CSMD1: variants seen among roughly 807,000 people sequenced by gnomAD.
CSMD1 encodes the protein CUB and Sushi multiple domains 1.
Under a neutral mutation model 417.5 loss-of-function variants are expected in CSMD1, and 213 were observed. That is an observed-to-expected ratio of 0.51 (90% CI 0.46 to 0.57). The LOEUF (loss-of-function observed/expected upper bound fraction) is 0.57. Ranked by LOEUF, CSMD1 falls within the 20% of genes least tolerant of loss-of-function variation. The pLI, the probability that CSMD1 is intolerant of heterozygous loss-of-function variation, is 0.00. For synonymous variants in CSMD1, 2,862 were observed against 1,736.8 expected (o/e 1.65, Z -16.11); for missense variants, 6,923 against 4,529.7 (o/e 1.53, Z -15.17).
At chr8:3,424,401 G>C (rs1429927892) in intron 12 of CSMD1, among the ~76,000 whole-genome samples, 4 of 152,204 alleles carry the variant, frequency 2.6e-5, no homozygotes, top group Non-Finnish European at 4.4e-5. Flanking sequence ...TTCATTGAGA[G>C]TGTACCAAGC....
intron 1 of CSMD1, among the ~76,000 whole-genome samples, chr8:4,766,145 C>G (rs1051428952): frequency 6.6e-6 from 1 of 152,134 alleles, no homozygotes; most frequent in Non-Finnish European, 1.5e-5. Flanking sequence ...ATGTACAATG[C>G]TTTGTGTACT....
At chr8:4,046,337 T>A (rs886553737) in intron 3 of CSMD1, among the ~76,000 whole-genome samples, 1 of 152,202 alleles carries the variant, frequency 6.6e-6, no homozygotes, top group Admixed American at 6.5e-5. Flanking sequence ...CTTCTAAAAA[T>A]AGACTCAATG....
At chr8:3,171,803 G>C (rs527728921) in intron 37 of CSMD1, among the ~76,000 whole-genome samples, 2 of 152,280 alleles carry the variant, frequency 1.3e-5, no homozygotes, top group Non-Finnish European at 2.9e-5. Context: ...ATGCTTTGTA[G>C]TATCATCCTT....
intron 3 of CSMD1, among the ~76,000 whole-genome samples, chr8:4,177,580 A>C (rs1481641813): frequency 6.6e-6 from 1 of 151,804 alleles, no homozygotes; most frequent in Admixed American, 6.6e-5. Flanking sequence ...AACTAAAATC[A>C]GAGCAGAACT....
At chr8:4,952,194 A>C (rs915867120) in intron 1 of CSMD1, among the ~76,000 whole-genome samples, 1 of 152,070 alleles carries the variant, frequency 6.6e-6, no homozygotes, top group African/African-American at 2.4e-5. Context: ...AAAGTAATGT[A>C]ATCAAAACGT....
chr8:3,503,340 A>G (rs1412215984), intron 10 of CSMD1, among the ~76,000 whole-genome samples: 1 of 152,258 alleles, frequency 6.6e-6, no homozygotes, highest in African/African-American at 2.4e-5. Context: ...GAGGATTCAC[A>G]CATTATTTCA....
intron 3 of CSMD1, among the ~76,000 whole-genome samples, chr8:4,167,239 G>A (rs118003545): frequency 0.013 from 1,991 of 152,222 alleles, 23 homozygotes; most frequent in Non-Finnish European, 0.019. Flanking sequence ...GGGAAGGAGT[G>A]TCTTCGAAGG....
At chr8:3,908,453 G>A (rs1808251524) in intron 5 of CSMD1, among the ~76,000 whole-genome samples, 1 of 152,110 alleles carries the variant, frequency 6.6e-6, no homozygotes, top group East Asian at 1.9e-4. Flanking sequence ...GATTTTCGGT[G>A]CACACACATT....
At chr8:4,377,391 A>T (rs1349140387) in intron 3 of CSMD1, among the ~76,000 whole-genome samples, 1 of 152,170 alleles carries the variant, frequency 6.6e-6, no homozygotes, top group Non-Finnish European at 1.5e-5. Context: ...TAGTCGTTAT[A>T]TCTAAACTAC....
At chr8:4,381,632 C>A (rs1803109756) in intron 3 of CSMD1, among the ~76,000 whole-genome samples, 1 of 152,136 alleles carries the variant, frequency 6.6e-6, no homozygotes, top group African/African-American at 2.4e-5. Context: ...ATCCCTCCAC[C>A]CCTTGTAGGC....
chr8:4,167,807 T>C (rs562471273), intron 3 of CSMD1, among the ~76,000 whole-genome samples: 13 of 152,188 alleles, frequency 8.5e-5, no homozygotes, highest in Admixed American at 1.3e-4. Context: ...CTGGGCAACA[T>C]ACTCAGACTC....
At chr8:3,932,835 T>A (rs1810246259) in intron 5 of CSMD1, among the ~76,000 whole-genome samples, 1 of 150,592 alleles carries the variant, frequency 6.6e-6, no homozygotes, top group Non-Finnish European at 1.5e-5. Context: ...CTCTTTTTTA[T>A]GCTATTGTTA....
At chr8:3,577,484 T>A (rs1186611090) in intron 9 of CSMD1, among the ~76,000 whole-genome samples, 1 of 152,242 alleles carries the variant, frequency 6.6e-6, no homozygotes, top group East Asian at 1.9e-4. Context: ...TCCATTTTTT[T>A]ATTAAGCCAT....
intron 61 of CSMD1, among the ~76,000 whole-genome samples, chr8:2,961,470 A>G (rs1803480249): frequency 6.6e-6 from 1 of 151,032 alleles, no homozygotes. Context: ...TTTTTTTTCC[A>G]TTCTCTGGCT....
intron 23 of CSMD1, among the ~76,000 whole-genome samples, chr8:3,335,460 C>G (rs1422030418): frequency 6.6e-6 from 1 of 152,162 alleles, no homozygotes; most frequent in Non-Finnish European, 1.5e-5. Flanking sequence ...GGTGGATCAT[C>G]TGAGGTCGGG....
At chr8:4,108,813 T>C (rs1337125122) in intron 3 of CSMD1, among the ~76,000 whole-genome samples, 3 of 152,232 alleles carry the variant, frequency 2.0e-5, no homozygotes, top group Non-Finnish European at 2.9e-5. Context: ...CTAAGTAGCA[T>C]GGCAAAGACC....
chr8:3,152,973 A>G (rs1230714551), intron 39 of CSMD1, among the ~76,000 whole-genome samples: 1 of 152,076 alleles, frequency 6.6e-6, no homozygotes, highest in African/African-American at 2.4e-5. Flanking sequence ...AACCAGAACA[A>G]CTCCACCTGG....
chr8:3,706,990 T>C (rs1801203591), intron 7 of CSMD1, among the ~76,000 whole-genome samples: 1 of 151,462 alleles, frequency 6.6e-6, no homozygotes, highest in South Asian at 2.1e-4. Flanking sequence ...CATTTACAGA[T>C]TGATTTTTTT....
chr8:3,918,364 A>G (rs1291082699), intron 5 of CSMD1, among the ~76,000 whole-genome samples: 2 of 152,002 alleles, frequency 1.3e-5, no homozygotes, highest in African/African-American at 4.8e-5. Context: ...ATCAACACAT[A>G]TATTTTTATA....
Sources: gnomAD v4.1 joint callset for allele counts (sites outside exome capture counted in the v4.1 genomes callset) on GRCh38, gnomAD v4.1.1 for gene constraint, MANE v1.5 for transcripts, NCBI Gene and HGNC (gene_info 2026-07-23, HGNC 2026-07-21) for gene names.